The following VWA8 variants were observed in gnomAD, a reference collection of about 807,000 sequenced individuals.
The protein encoded by VWA8 is von Willebrand factor A domain-containing protein 8.
VWA8 carries 221 observed loss-of-function variants against 241.5 expected under a neutral mutation model. The observed-to-expected ratio is 0.91, with a 90% confidence interval of 0.82 to 1.02. The LOEUF (loss-of-function observed/expected upper bound fraction) is 1.02, where lower values mean the gene tolerates loss of function less well. VWA8 is among the 50% of genes least tolerant of loss of function. The pLI, the probability that VWA8 is intolerant of heterozygous loss-of-function variation, is 0.00. For synonymous variants in VWA8, 852 were observed against 827.1 expected (o/e 1.03, Z -0.52); for missense variants, 2,322 against 2,328.7 (o/e 1.00, Z 0.06).
chr13:41,590,031 C>T (rs781020837), intron 41 of VWA8, among the ~76,000 whole-genome samples: 1 of 152,012 alleles, frequency 6.6e-6, no homozygotes, highest in Non-Finnish European at 1.5e-5. Flanking sequence ...TTTCAGAGAA[C>T]CTTCAGAGGG....
chr13:41,795,434 T>A (rs1289070656), intron 17 of VWA8, among the ~76,000 whole-genome samples: 1 of 152,196 alleles, frequency 6.6e-6, no homozygotes, highest in Non-Finnish European at 1.5e-5. Context: ...TACCCAGCAA[T>A]CCCATTATTG....
At chr13:41,654,332 T>G (rs112923055) in intron 37 of VWA8, among the ~76,000 whole-genome samples, 161 of 152,260 alleles carry the variant, frequency 1.1e-3, no homozygotes, top group African/African-American at 3.6e-3. Context: ...CCTAACCAAA[T>G]GTTCAAAGTT....
chr13:41,926,075 C>A, intron 2 of VWA8: 2 of 474,642 alleles, frequency 4.2e-6, no homozygotes, highest in Non-Finnish European at 7.9e-6. Flanking sequence ...TGGTGAATCC[C>A]AGAAATTATA....
Position 41,895,438 on chromosome 13 carries a change from C to T in VWA8, c.484-3851G>A, listed in dbSNP as rs115544729. 1.7e-3 allele frequency among the ~76,000 whole-genome samples: 259 copies of T among 152,234 alleles called. 2 individuals are homozygous for T. The highest frequency in any genetic ancestry group is 5.7e-3 in the African/African-American group (238 of 41,534). On this transcript the variant is annotated intron_variant, in intron 4 of 44. Transcript: ENST00000379310. ...CTAGGCATAGGAATTTGCTGTGTTA[C>T]CTATGCAGAGAAACGAAACCAAACA...
At chr13:41,838,952 AAT>A (rs1871867917) in intron 12 of VWA8, among the ~76,000 whole-genome samples, 1 of 152,178 alleles carries the variant, frequency 6.6e-6, no homozygotes, top group Non-Finnish European at 1.5e-5. Flanking sequence ...TGCTGCAATA[AAT>A]ATATGTGCGC....
At chr13:41,865,568 G>T in intron 12 of VWA8, 168 bp downstream of exon 12, 2 of 682,720 alleles carry the variant, frequency 2.9e-6, no homozygotes, top group African/African-American at 1.8e-5. Context: ...ACTTTCAAAA[G>T]CTCCAAAGAA....
At chr13:41,801,549 A>G (rs1344118622) in intron 17 of VWA8, among the ~76,000 whole-genome samples, 1 of 152,236 alleles carries the variant, frequency 6.6e-6, no homozygotes, top group African/African-American at 2.4e-5. Context: ...AAAAGAGACG[A>G]AATCTTTGGG....
rs753280495 is a variant in VWA8, at chr13:41,567,939, C to G, written c.*258G>C. On this transcript the variant is annotated 3_prime_UTR_variant, in exon 45 of 45. Transcript: ENST00000379310. ...CAAAACCACCTTCCTTTAACCCCAA[C>G]CTTTGATAAAGTGCAGGTCAACTAG... 30 of 355,942 alleles carry G rather than the reference C, an allele frequency of 8.4e-5. No individual in the cohort carries two copies. Among genetic ancestry groups the G allele is most frequent in the African/African-American group, 6.1e-4 (29 of 47,528 alleles). The allele number at this position is 355,942 out of a possible 1,614,324, so 22.0% of individuals were successfully genotyped here.
At chr13:41,874,081 A>G (rs1229548622) in intron 9 of VWA8, among the ~76,000 whole-genome samples, 37 of 151,882 alleles carry the variant, frequency 2.4e-4, no homozygotes, top group Admixed American at 8.5e-4. Context: ...CAAAGACAAA[A>G]ACCACATGAT....
At chr13:41,684,392 A>G (rs1425141949) in intron 35 of VWA8, among the ~76,000 whole-genome samples, 1 of 152,126 alleles carries the variant, frequency 6.6e-6, no homozygotes, top group Non-Finnish European at 1.5e-5. Flanking sequence ...TTTCATAGTT[A>G]TCTGTTATGA....
intron 1 of VWA8, among the ~76,000 whole-genome samples, chr13:41,954,974 T>A (rs947523503): frequency 6.6e-6 from 1 of 152,218 alleles, no homozygotes; most frequent in Admixed American, 6.5e-5. Context: ...CAGGACTCTT[T>A]TTTTCTTGGT....
rs187542192 is a variant in VWA8, at chr13:41,711,702, G to A, written c.3116+7889C>T. ...ATCCTAGCTAACACGGTGAAACCCC[G>A]TCTCTACTAAAAATACAAAAAATTA... On this transcript the variant is annotated intron_variant, in intron 26 of 44. Transcript: ENST00000379310. Among the ~76,000 whole-genome samples the A allele has an allele frequency of 1.9e-3, 290 of 152,064 alleles. 1 individual carries two copies. The highest frequency in any genetic ancestry group is 6.1e-3 in the African/African-American group (254 of 41,476).
At chr13:41,819,691 T>C (rs2137985259) in intron 14 of VWA8, among the ~76,000 whole-genome samples, 1 of 152,294 alleles carries the variant, frequency 6.6e-6, no homozygotes, top group South Asian at 2.1e-4. Context: ...CTCCATAATG[T>C]CTTGAAATAA....
chr13:41,729,807 AC>A, intron 22 of VWA8, 130 bp from the exon 23 acceptor site: 1 of 461,468 alleles, frequency 2.2e-6, no homozygotes, highest in African/African-American at 2.3e-5. Context: ...AGACACACAC[AC>A]ACACACACAC....
chr13:41,731,407 C>T (rs9532916), intron 22 of VWA8, among the ~76,000 whole-genome samples: 12,724 of 152,008 alleles, frequency 0.084, 540 homozygotes, highest in Middle Eastern at 0.11. Flanking sequence ...GAAACCTTAC[C>T]TATTTTCAAA....
In VWA8 at chr13:41,689,363, T is replaced by C; in HGVS notation, c.4122A>G (p.Pro1374=). 1 of 1,609,028 alleles carries C rather than the reference T, an allele frequency of 6.2e-7. No homozygotes were observed. Among genetic ancestry groups the C allele is most frequent in the Admixed American group, 1.7e-5 (1 of 59,196 alleles). Residue 1374 remains proline, a synonymous_variant, in exon 34 of 45, where the codon CCA becomes CCG. Transcript: ENST00000379310. ...AAAAATGGGTGCTTACCATGAGATC[T>C]GGAAAACCAACAACTATTGTAGCAT... is the stretch of plus-strand genomic sequence containing the variant. ...KNYATIVVGF[P]DLMSPSEVYS...
chr13:41,950,723 C>T (rs1484564783), intron 1 of VWA8, among the ~76,000 whole-genome samples: 1 of 143,684 alleles, frequency 7.0e-6, no homozygotes, highest in Admixed American at 7.2e-5. Flanking sequence ...GGCTGGAGTG[C>T]AGTGATGTGA....
Position 41,587,446 on chromosome 13 carries a change from T to C in VWA8, c.5271+66A>G, listed in dbSNP as rs532069272. 18 of 1,590,418 alleles carry C rather than the reference T, an allele frequency of 1.1e-5. No individual in the cohort carries two copies. The South Asian group carries it at 1.6e-4, about 14-fold the overall frequency. On this transcript the variant is annotated intron_variant, in intron 42 of 44. Transcript: ENST00000379310. ...AGATTTTCATTCACTCTGGATGGAG[T>C]TTGAATCCACCTATCCATCATCATG...
At chr13:41,914,493 C>G (rs1876161035) in intron 2 of VWA8, among the ~76,000 whole-genome samples, 1 of 152,208 alleles carries the variant, frequency 6.6e-6, no homozygotes, top group Admixed American at 6.5e-5. Flanking sequence ...ACAGTCTATT[C>G]TTTCTTGCTT....
Sources: allele counts gnomAD v4.1 joint callset (sites outside exome capture counted in the v4.1 genomes callset), GRCh38; gene constraint gnomAD v4.1.1; transcripts MANE v1.5; gene names NCBI Gene and HGNC (gene_info 2026-07-23, HGNC 2026-07-21).